Variants in MDM1 observed in about 807,000 individuals in gnomAD.
MDM1 encodes stabilizer of axonemal microtubules 6.
Under a neutral mutation model 89.1 loss-of-function variants are expected in MDM1, and 61 were observed. That is an observed-to-expected ratio of 0.68 (90% CI 0.56 to 0.85). The LOEUF (loss-of-function observed/expected upper bound fraction) is 0.85, where lower values mean the gene tolerates loss of function less well. Among genes scored for constraint, MDM1 ranks in the 40% least tolerant of loss-of-function variants. The pLI, the probability that MDM1 is intolerant of heterozygous loss-of-function variation, is 0.00. For synonymous variants in MDM1, 290 were observed against 294.1 expected, an observed-to-expected ratio of 0.99 and a Z score of 0.14; for missense variants, 820 against 846.5, an observed-to-expected ratio of 0.97 and a Z score of 0.39.
chr12:68,303,618 T>C (rs1872514499), intron 12 of MDM1, among the ~76,000 whole-genome samples: 1 of 152,216 alleles, frequency 6.6e-6, no homozygotes, highest in Non-Finnish European at 1.5e-5. Context: ...AAAATTAGAT[T>C]TTAACAATAA....
rs1490265238 is a variant in MDM1, at chr12:68,330,023, T to C, written c.133+1084A>G. On this transcript the variant is annotated intron_variant, in intron 2 of 14. Coordinates refer to ENST00000682720, the MANE Select transcript of MDM1 (RefSeq NM_001354969.2). ...ACCTTGGGAGCACTCTTCCCCAGCA[T>C]TGTCCCCTCAGCTTTCAGGTCTCAG... 5.3e-5 allele frequency among the ~76,000 whole-genome samples: 8 copies of C among 152,200 alleles called. No individual in the cohort carries two copies. In the East Asian group the frequency reaches 5.8e-4, roughly 11 times the overall value.
chr12:68,314,432 A>G (rs568387174), intron 10 of MDM1, among the ~76,000 whole-genome samples: 2 of 152,354 alleles, frequency 1.3e-5, no homozygotes, highest in African/African-American at 4.8e-5. Context: ...CTCAAGTTCC[A>G]TAACATCCAT....
intron 12 of MDM1, among the ~76,000 whole-genome samples, chr12:68,303,917 G>A (rs1872548954): frequency 6.6e-6 from 1 of 152,152 alleles, no homozygotes; most frequent in African/African-American, 2.4e-5. Flanking sequence ...CACTGTCCTA[G>A]AAGTCAAGAA....
At chr12:68,320,910 C>T in intron 7 of MDM1, 1 of 153,526 alleles carries the variant, frequency 6.5e-6, no homozygotes, top group Non-Finnish European at 1.5e-5. Context: ...GCTCACACCT[C>T]TAACAACACA....
In MDM1 at chr12:68,321,609, C is replaced by G. The variant is rs115523943; in HGVS notation, c.821G>C (p.Arg274Pro). 2 of 1,610,470 alleles carry G rather than the reference C, an allele frequency of 1.2e-6. No individual in the cohort carries two copies. The highest frequency in any genetic ancestry group is 1.7e-5 in the Admixed American group (1 of 59,778). ...PERKSNKIDDRLKLEAEMELK... is the reference protein window; with the variant it reads ...PERKSNKIDDPLKLEAEMELK... ...TTCCATCTCTGCTTCCAATTTTAAACGATCGTCTATTTTATTACTCTGAAA... is the reference window on the plus strand; with the variant it reads ...TTCCATCTCTGCTTCCAATTTTAAAGGATCGTCTATTTTATTACTCTGAAA... The change falls in exon 6 of 15, where the codon CGT becomes CCT. Residue 274 changes from arginine (R) to proline (P), a missense_variant. Arg to Pro is a moderately radical substitution (Grantham distance 103). Coordinates refer to ENST00000682720, the MANE Select transcript of MDM1 (RefSeq NM_001354969.2).
chr12:68,309,646 A>C (rs967865565), intron 12 of MDM1, among the ~76,000 whole-genome samples: 8 of 152,236 alleles, frequency 5.3e-5, no homozygotes, highest in African/African-American at 1.9e-4. Flanking sequence ...CTGATGATCA[A>C]ACCAATATGA....
Position 68,327,244 on chromosome 12 carries a change from C to A in MDM1, c.134-223G>T. On this transcript the variant is annotated intron_variant, in intron 2 of 14. Transcript: ENST00000682720. Reference sequence around the variant, plus strand: ...AAAAGCATTAAAAATTTGACCATAACAAAAAATTAAAAATCAGGGGGTCAC... The same window carrying A: ...AAAAGCATTAAAAATTTGACCATAAAAAAAAATTAAAAATCAGGGGGTCAC... The A allele has an allele frequency of 7.1e-7, 1 of 1,403,670 alleles. No homozygotes were observed. The highest frequency in any genetic ancestry group is 9.2e-7 in the Non-Finnish European group (1 of 1,082,888). The allele number at this position is 1,403,670 out of a possible 1,614,324, so 87.0% of individuals were successfully genotyped here.
intron 12 of MDM1, among the ~76,000 whole-genome samples, chr12:68,309,164 T>C (rs376416005): frequency 6.6e-6 from 1 of 152,246 alleles, no homozygotes; most frequent in East Asian, 1.9e-4. Flanking sequence ...AATGTTGCCA[T>C]GTTTTCCAGC....
intron 1 of MDM1, 32 bp downstream of exon 1, chr12:68,332,196 G>A (rs955111570): frequency 1.3e-6 from 2 of 1,538,368 alleles, no homozygotes. Flanking sequence ...GCTCCCCCCA[G>A]CCACATTCCG....
chr12:68,326,481 T>G (rs1462687428), intron 3 of MDM1, 176 bp downstream of exon 3: 1 of 1,510,254 alleles, frequency 6.6e-7, no homozygotes, highest in Non-Finnish European at 8.8e-7. Flanking sequence ...GTAGTCAGAA[T>G]AGAACTAATT....
chr12:68,297,295 C>T (rs1395635211), intron 13 of MDM1, among the ~76,000 whole-genome samples: 2 of 152,144 alleles, frequency 1.3e-5, no homozygotes, highest in Non-Finnish European at 2.9e-5. Flanking sequence ...ATGTAGTAGG[C>T]TTCTGATTAG....
chr12:68,299,207 T>C (rs756278561), intron 13 of MDM1, among the ~76,000 whole-genome samples: 2 of 151,886 alleles, frequency 1.3e-5, no homozygotes, highest in Non-Finnish European at 2.9e-5. Flanking sequence ...AACCAGAAAG[T>C]AATTCTAGTA....
At chr12:68,328,614 C>T (rs1203187342) in intron 2 of MDM1, among the ~76,000 whole-genome samples, 1 of 152,044 alleles carries the variant, frequency 6.6e-6, no homozygotes, top group African/African-American at 2.4e-5. Context: ...CAATGTTTTT[C>T]TAAATTTTTC....
In MDM1 at chr12:68,321,537, T is replaced by C; in HGVS notation, c.893A>G (p.His298Arg). 6.2e-7 allele frequency: 1 copy of C among 1,612,360 alleles called. No individual in the cohort carries two copies. Among genetic ancestry groups the C allele is most frequent in the Non-Finnish European group, 8.5e-7 (1 of 1,178,988 alleles). Residue 298 changes from histidine to arginine, a missense_variant, in exon 6 of 15, where the codon CAT (histidine) becomes CGT (arginine). Physicochemically the swap from His to Arg is conservative, Grantham distance 29. Coordinates refer to ENST00000682720, the MANE Select transcript of MDM1 (RefSeq NM_001354969.2). Reference protein sequence around the residue: ...QPKRKLTPWKHQRLGKVNSEY... With the variant: ...QPKRKLTPWKRQRLGKVNSEY... ...TTAAAATACATACCCAAGCCTTTGA[T>C]GTTTCCAAGGAGTAAGCTTCCTTTT...
intron 12 of MDM1, among the ~76,000 whole-genome samples, chr12:68,303,337 T>C (rs991947296): frequency 3.3e-5 from 5 of 152,210 alleles, no homozygotes; most frequent in Non-Finnish European, 7.3e-5. Context: ...CAAAAATTAA[T>C]TTTTAAAAGC....
chr12:68,332,303 G>T lies in MDM1; in HGVS notation c.-58C>A. 2 of 1,533,548 alleles carry T rather than the reference G, an allele frequency of 1.3e-6. No individual in the cohort carries two copies. The highest frequency in any genetic ancestry group is 1.8e-6 in the Non-Finnish European group (2 of 1,140,332). 95.0% of individuals were successfully genotyped at this position (1,533,548 alleles called of 1,614,324 possible). A position where few individuals can be genotyped will look rare whatever the true frequency, so the allele number is the denominator to read the frequency against. On this transcript the variant is annotated 5_prime_UTR_variant, in exon 1 of 15. Transcript: ENST00000682720. ...CAGTTAACTGGAGAAAAAGCTCCGA[G>T]GGGGCGGGGCGATAACAGTGTTCCC...
At chr12:68,317,561 C>A (rs962996539) in intron 7 of MDM1, among the ~76,000 whole-genome samples, 1 of 152,100 alleles carries the variant, frequency 6.6e-6, no homozygotes, top group African/African-American at 2.4e-5. Context: ...GCATAAGAAA[C>A]CATATAATCC....
intron 12 of MDM1, among the ~76,000 whole-genome samples, chr12:68,312,247 T>C (rs541588744): frequency 2.6e-5 from 4 of 152,164 alleles, no homozygotes; most frequent in Non-Finnish European, 5.9e-5. Flanking sequence ...ATATAGTCAG[T>C]TCCCTATTCA....
chr12:68,306,070 G>A (rs1872843275), intron 12 of MDM1, among the ~76,000 whole-genome samples: 1 of 151,622 alleles, frequency 6.6e-6, no homozygotes, highest in Non-Finnish European at 1.5e-5. Flanking sequence ...CAAACAGACA[G>A]ACTAATGGAA....
Sources: gnomAD v4.1 joint callset for allele counts (sites outside exome capture counted in the v4.1 genomes callset) on GRCh38, gnomAD v4.1.1 for gene constraint, MANE v1.5 for transcripts, NCBI Gene and HGNC (gene_info 2026-07-23, HGNC 2026-07-21) for gene names.